The following BSG variants were observed in gnomAD, a reference collection of about 807,000 sequenced individuals.
The protein encoded by BSG is basigin (Ok blood group).
In BSG, 37 loss-of-function variants were observed where a neutral mutation model predicts 43.1. The ratio of observed to expected loss-of-function variants is 0.86; its 90% confidence interval spans 0.66 to 1.13. The LOEUF is 1.13. Ranked by LOEUF, BSG falls within the 50% of genes most tolerant of loss-of-function variation. The pLI is 0.00. For synonymous variants in BSG, 309 were observed against 238.7 expected, an observed-to-expected ratio of 1.29 and a Z score of -2.72; for missense variants, 599 against 554.2, an observed-to-expected ratio of 1.08 and a Z score of -0.81.
chr19:582,204 G>A, intron 6 of BSG, 102 bp from the exon 7 acceptor site: 1 of 1,511,474 alleles, frequency 6.6e-7, no homozygotes, highest in Non-Finnish European at 9.0e-7. Flanking sequence ...GTCACTGAGG[G>A]CAGGGCTGGC....
chr19:577,753 C>G (rs746858711), intron 1 of BSG, 21 bp from the exon 2 acceptor site: 6 of 1,388,218 alleles, frequency 4.3e-6, no homozygotes, highest in South Asian at 3.5e-5. Flanking sequence ...TAACAAGACC[C>G]CACGCGTGCT....
rs12459866 is a variant in BSG, at chr19:580,857, G to A, written c.792+75G>A. 5.3e-5 allele frequency: 74 copies of A among 1,386,528 alleles called. 1 individual carries two copies. In the Admixed American group the frequency reaches 6.6e-4, roughly 12 times the overall value. 85.9% of individuals were successfully genotyped at this position (1,386,528 alleles called of 1,614,324 possible). A position where few individuals can be genotyped will look rare whatever the true frequency, so the allele number is the denominator to read the frequency against. Reference sequence around the variant, plus strand: ...GTGAGAGGCCTAGACTGGGGGTCCCGGACCCAGCCCTCAGGACTGGGTGAG... The same window carrying A: ...GTGAGAGGCCTAGACTGGGGGTCCCAGACCCAGCCCTCAGGACTGGGTGAG... On this transcript the variant is annotated intron_variant, in intron 5 of 8. Transcript: ENST00000333511.
chr19:571,633 G>A, upstream of BSG: 1 of 778,566 alleles, frequency 1.3e-6, no homozygotes, highest in Non-Finnish European at 2.4e-6. Flanking sequence ...ATATTTGGGG[G>A]CGGCGAGTCG....
At chr19:579,362 G>T in intron 2 of BSG, 138 bp from the exon 3 acceptor site, 1 of 1,211,256 alleles carries the variant, frequency 8.3e-7, no homozygotes, top group Non-Finnish European at 1.2e-6. Flanking sequence ...TCCGGTCCTC[G>T]GGGCGTAAGG....
At chr19:572,301 C>A, upstream of BSG, 2 of 828,046 alleles carry the variant, frequency 2.4e-6, no homozygotes, top group Admixed American at 6.0e-5. Context: ...CTCGGGCGCA[C>A]CGCTCTGCGC....
intron 2 of BSG, among the ~76,000 whole-genome samples, chr19:578,527 T>C (rs1478056917): frequency 6.6e-6 from 1 of 152,246 alleles, no homozygotes; most frequent in African/African-American, 2.4e-5. Context: ...AGCATCTCGT[T>C]CTAAGGGATT....
intron 2 of BSG, 42 bp from the exon 3 acceptor site, chr19:579,458 T>TGCTCCTCCACTCTGCTGACCGC (rs1185598595): frequency 1.2e-6 from 2 of 1,609,522 alleles, no homozygotes; most frequent in Non-Finnish European, 1.7e-6. Flanking sequence ...GCGCGGGCCG[T>TGCTCCTCCACTCTGCTGACCGC]GCTCCTCCAC....
At chr19:578,939 C>T (rs776698073) in intron 2 of BSG, 2 of 448,000 alleles carry the variant, frequency 4.5e-6, no homozygotes, top group South Asian at 1.6e-5. Context: ...ACCGTGTTAG[C>T]CAGGATGGTC....
chr19:580,583 C>G lies in BSG; in HGVS notation c.656-63C>G, dbSNP rs371927933. The stretch of plus-strand genomic sequence containing the variant: ...TCCCTGGAGGGGAACAGCCCTCCTG[C>G]GGGAGGCCGGGGATGGGGGCGGGCC... On this transcript the variant is annotated intron_variant, in intron 4 of 8. Coordinates refer to ENST00000333511, the MANE Select transcript of BSG (RefSeq NM_001728.4). 2.5e-6 allele frequency: 4 copies of G among 1,607,052 alleles called. No individual in the cohort carries two copies. The South Asian group carries it at 3.3e-5, about 13-fold the overall frequency.
chr19:574,253 TAA>T (rs11420107), intron 1 of BSG, among the ~76,000 whole-genome samples: 74 of 126,892 alleles, frequency 5.8e-4, no homozygotes, highest in East Asian at 6.8e-4. Flanking sequence ...ACTCTGTCTT[TAA>T]AAAAAAAAAA....
At chr19:578,208 C>T (rs2283570) in intron 2 of BSG, 87 bp downstream of exon 2, 156,562 of 1,285,386 alleles carry the variant, frequency 0.12, 11,282 homozygotes, top group South Asian at 0.27. Flanking sequence ...AGAACCCAGA[C>T]GCCTCCTCCC....
In BSG at chr19:580,912, C is replaced by T. The variant is rs1324148384; in HGVS notation, c.792+130C>T. ...CTAGACTGGGGGTCCCGGACCCAGC[C>T]CTCAGGACTGGGTGAGGGGCCTAGA... On this transcript the variant is annotated intron_variant, in intron 5 of 8. Transcript: ENST00000333511. The T allele has an allele frequency of 8.6e-6, 6 of 694,314 alleles. No homozygotes were observed. The African/African-American group carries it at 1.0e-4, about 12-fold the overall frequency. The allele number at this position is 694,314 out of a possible 1,614,324, so 43.0% of individuals were successfully genotyped here.
In BSG at chr19:572,616, C is replaced by A; in HGVS notation, c.-19C>A. The A allele has an allele frequency of 3.4e-6, 5 of 1,490,430 alleles. No homozygotes were observed. The highest frequency in any genetic ancestry group is 4.5e-6 in the Non-Finnish European group (5 of 1,116,950). The allele number at this position is 1,490,430 out of a possible 1,614,324, so 92.3% of individuals were successfully genotyped here. A position where few individuals can be genotyped will look rare whatever the true frequency, so the allele number is the denominator to read the frequency against. ...GCGGCAGCGGTTGGAGGTTGTAGGA[C>A]CGGCGAGGAATAGGAATCATGGCGG... is the stretch of plus-strand genomic sequence containing the variant. On this transcript the variant is annotated 5_prime_UTR_variant, in exon 1 of 9. Transcript: ENST00000333511.
chr19:581,920 C>G (rs28992482), intron 6 of BSG, among the ~76,000 whole-genome samples: 106 of 152,382 alleles, frequency 7.0e-4, no homozygotes, highest in African/African-American at 2.5e-3. Flanking sequence ...GGCTCGGGAA[C>G]CTGAGGTCAG....
chr19:583,218 C>G lies in BSG; in HGVS notation c.*474C>G, dbSNP rs1982494827. 1 of 152,962 alleles carries G rather than the reference C, an allele frequency of 6.5e-6. No individual in the cohort carries two copies. The highest frequency in any genetic ancestry group is 2.4e-5 in the African/African-American group (1 of 41,472). 9.5% of individuals were successfully genotyped at this position (152,962 alleles called of 1,614,324 possible). On this transcript the variant is annotated 3_prime_UTR_variant, in exon 9 of 9. Coordinates refer to ENST00000333511, the MANE Select transcript of BSG (RefSeq NM_001728.4). ...GTTCGACTCAGCCTCAGGGACGACT[C>G]TGACCTCTTGGCCACAGAGGACTCA...
In BSG at chr19:582,921, C is replaced by T. The variant is rs1982466619; in HGVS notation, c.*177C>T. 2 of 356,030 alleles carry T rather than the reference C, an allele frequency of 5.6e-6. No homozygotes were observed. The highest frequency in any genetic ancestry group is 2.1e-5 in the African/African-American group (1 of 47,296). The allele number at this position is 356,030 out of a possible 1,614,324, so 22.1% of individuals were successfully genotyped here. A position where few individuals can be genotyped will look rare whatever the true frequency, so the allele number is the denominator to read the frequency against. On this transcript the variant is annotated 3_prime_UTR_variant, in exon 9 of 9. Transcript: ENST00000333511. ...GTTTTCTCCATTCAGGATTCTGTTC[C>T]TTAGGTTTTTTTCCTTCTGAAGTGT...
upstream of BSG, chr19:571,621 G>C (rs1276457741): frequency 1.3e-6 from 1 of 779,176 alleles, no homozygotes; most frequent in African/African-American, 1.7e-5. Context: ...GATCCAAATG[G>C]GATATTTGGG....
chr19:571,761 G>A (rs561352095), upstream of BSG: 22 of 635,636 alleles, frequency 3.5e-5, 2 homozygotes, highest in African/African-American at 3.4e-4. Flanking sequence ...AAGGAAGGGA[G>A]CTTCTGTTCC....
At chr19:579,432 G>C (rs10416405) in intron 2 of BSG, 68 bp from the exon 3 acceptor site, 79,564 of 1,595,932 alleles carry the variant, frequency 0.05, 2,355 homozygotes, top group African/African-American at 0.1. Flanking sequence ...GCAGGTTCCT[G>C]GGGGTCAGGC....
Sources: allele counts gnomAD v4.1 joint callset (sites outside exome capture counted in the v4.1 genomes callset), GRCh38; gene constraint gnomAD v4.1.1; transcripts MANE v1.5; gene names NCBI Gene and HGNC (gene_info 2026-07-23, HGNC 2026-07-21).